Variants in KMT2E observed in about 807,000 individuals in gnomAD.
The protein encoded by KMT2E is histone reader KMT2E.
In KMT2E, 30 loss-of-function variants were observed where a neutral mutation model predicts 184.6. That is an observed-to-expected ratio of 0.16 (90% confidence interval 0.12 to 0.22). The LOEUF (loss-of-function observed/expected upper bound fraction) is 0.22. Ranked by LOEUF, KMT2E falls within the 10% of genes least tolerant of loss-of-function variation. KMT2E has a pLI of 1.00. For missense variants in KMT2E, 2,023 were observed against 2,237.4 expected, an observed-to-expected ratio of 0.90 and a Z score of 1.93; for synonymous variants, 815 against 776.5, an observed-to-expected ratio of 1.05 and a Z score of -0.82.
At chr7:105,108,036 TAA>T in intron 22 of KMT2E, 111 bp downstream of exon 22, 1 of 675,398 alleles carries the variant, frequency 1.5e-6, no homozygotes, top group Non-Finnish European at 2.2e-6. Context: ...ATTTAGTTAT[TAA>T]AGTTACATTT....
intron 15 of KMT2E, among the ~76,000 whole-genome samples, chr7:105,094,030 C>G (rs1798311167): frequency 6.6e-6 from 1 of 152,120 alleles, no homozygotes. Context: ...ATTGTTACTT[C>G]TAATTAGTTC....
chr7:105,077,029 G>A lies in KMT2E; in HGVS notation c.835G>A (p.Ala279Thr), dbSNP rs1404940807. The change falls in exon 10 of 27, where the codon GCA becomes ACA. Residue 279 changes from alanine to threonine, a missense_variant. Coordinates refer to ENST00000311117, the MANE Select transcript of KMT2E (RefSeq NM_182931.3). ...TTTTGGATGGGAGACAAAGATCAAA[G>A]CATGGATGGATCGATATGAAGAAGC... ...SNFGWETKIK[A>T]WMDRYEEANN... is the part of the protein sequence containing the mutation. 1.9e-6 allele frequency: 3 copies of A among 1,613,854 alleles called. No homozygotes were observed. Among genetic ancestry groups the A allele is most frequent in the South Asian group, 1.1e-5 (1 of 91,060 alleles).
At chr7:105,022,751 T>C (rs1795007231) in intron 1 of KMT2E, among the ~76,000 whole-genome samples, 11 of 152,138 alleles carry the variant, frequency 7.2e-5, no homozygotes, top group Admixed American at 7.2e-4. Flanking sequence ...AAAAAACTAA[T>C]TTTCTTCTTT....
At chr7:105,101,615 T>A in intron 16 of KMT2E, 26 bp downstream of exon 16, 1 of 1,487,716 alleles carries the variant, frequency 6.7e-7, no homozygotes, top group African/African-American at 1.4e-5. Context: ...GTCGTTTTAT[T>A]TTCTTAAACA....
chr7:105,034,854 TG>T (rs1481738406), intron 1 of KMT2E, among the ~76,000 whole-genome samples: 1 of 14,710 alleles, frequency 6.8e-5, no homozygotes, highest in African/African-American at 2.6e-4. Flanking sequence ...GGCTTTTTTT[TG>T]GGGGGTGGGG....
chr7:105,037,826 C>T (rs1042727649), intron 1 of KMT2E, among the ~76,000 whole-genome samples: 6 of 151,426 alleles, frequency 4.0e-5, no homozygotes, highest in African/African-American at 1.5e-4. Flanking sequence ...GTTGCCTTTG[C>T]TAAATCTGTT....
chr7:105,112,789 C>CCCT lies in KMT2E; in HGVS notation c.5035_5036insTCC (p.Pro1678_Pro1679insLeu). On this transcript the variant is annotated inframe_insertion, in exon 27 of 27. Transcript: ENST00000311117. ...TCTCAAACTGCTGGACACCACTTAC[C>CCCT]CCCACCCCCACCCCCTCCTGGTCCT... is the stretch of plus-strand genomic sequence containing the variant. The CCCT allele has an allele frequency of 1.3e-6, 2 of 1,585,914 alleles. No individual in the cohort carries two copies. Among genetic ancestry groups the CCCT allele is most frequent in the Admixed American group, 1.7e-5 (1 of 58,240 alleles).
intron 3 of KMT2E, among the ~76,000 whole-genome samples, chr7:105,042,125 G>T (rs976335540): frequency 1.3e-5 from 2 of 152,138 alleles, no homozygotes. Context: ...TGAGTAGCTG[G>T]GATTACAGGT....
rs762772581 is a variant in KMT2E at position 105,107,940 on chromosome 7, A to G, written c.3468+15A>G. 1.5e-5 allele frequency: 24 copies of G among 1,549,200 alleles called. No individual in the cohort carries two copies. Among genetic ancestry groups the G allele is most frequent in the Non-Finnish European group, 1.9e-5 (22 of 1,148,378 alleles). On this transcript the variant is annotated intron_variant, in intron 22 of 26. Transcript: ENST00000311117. The stretch of plus-strand genomic sequence containing the variant: ...AAAAGAAAAAGGTTACAAATTTAAC[A>G]ATTTATAGTCCTTTTAATAGTTTTT...
chr7:105,102,989 G>GC, intron 17 of KMT2E: 1 of 152,288 alleles, frequency 6.6e-6, no homozygotes, highest in Middle Eastern at 3.4e-3. Context: ...TAATTTACTT[G>GC]CCAAAGTCGC....
chr7:105,029,031 G>A (rs530417415), intron 1 of KMT2E, among the ~76,000 whole-genome samples: 1 of 152,192 alleles, frequency 6.6e-6, no homozygotes, highest in South Asian at 2.1e-4. Context: ...TTGGGAGGAC[G>A]AGGTAGGTGG....
intron 3 of KMT2E, among the ~76,000 whole-genome samples, chr7:105,047,880 G>GT (rs750734989): frequency 2.6e-5 from 4 of 152,218 alleles, no homozygotes; most frequent in Non-Finnish European, 4.4e-5. Context: ...TGAAATGGAA[G>GT]TGAAGGGCTT....
At chr7:105,068,068 C>T (rs1290478730) in intron 6 of KMT2E, among the ~76,000 whole-genome samples, 3 of 152,176 alleles carry the variant, frequency 2.0e-5, no homozygotes, top group Non-Finnish European at 4.4e-5. Flanking sequence ...ATATTCATCT[C>T]TCAAGTTCCT....
At chr7:105,076,500 C>T (rs759536771) in intron 9 of KMT2E, among the ~76,000 whole-genome samples, 2 of 152,156 alleles carry the variant, frequency 1.3e-5, no homozygotes, top group Non-Finnish European at 2.9e-5. Context: ...CATAGAACAA[C>T]CATATCAATA....
In KMT2E at chr7:105,111,815, C is replaced by A. The variant is rs1336947584; in HGVS notation, c.4069-10C>A. 1 of 1,593,208 alleles carries A rather than the reference C, an allele frequency of 6.3e-7. No homozygotes were observed. Among genetic ancestry groups the A allele is most frequent in the South Asian group, 1.1e-5 (1 of 87,442 alleles). ...TCCTTGAATGTATATAATTTGTTTT[C>A]TCTTCATAGCCTGGTTCACCTGGAT... On this transcript the variant is annotated splice_polypyrimidine_tract_variant and intron_variant, in intron 26 of 26. Coordinates refer to ENST00000311117, the MANE Select transcript of KMT2E (RefSeq NM_182931.3).
Position 105,112,201 on chromosome 7 carries a change from A to T in KMT2E, c.4445A>T (p.His1482Leu). The T allele has an allele frequency of 1.9e-6, 3 of 1,614,158 alleles. No individual in the cohort carries two copies. In the African/African-American group the frequency reaches 4.0e-5, roughly 22 times the overall value. The change falls in exon 27 of 27, where the codon CAT becomes CTT. Residue 1482 changes from histidine to leucine, a missense_variant. His to Leu is a moderately conservative substitution (Grantham distance 99). This residue lies in a region of KMT2E where 1,108 missense variants were observed against 1,050.9 expected (regional missense o/e 1.05). Coordinates refer to ENST00000311117, the MANE Select transcript of KMT2E (RefSeq NM_182931.3). ...QQLGSPYRPH[H>L]SQSPQVGTPQ... is the part of the protein sequence containing the mutation. Reference sequence around the variant, plus strand: ...TTAGGATCTCCCTACAGGCCTCATCATTCACAGTCACCTCAAGTTGGAACA... The same window carrying T: ...TTAGGATCTCCCTACAGGCCTCATCTTTCACAGTCACCTCAAGTTGGAACA...
In KMT2E at chr7:105,112,622, T is replaced by C; in HGVS notation, c.4866T>C (p.Ala1622=). The change falls in exon 27 of 27, where the codon GCT becomes GCC. Residue 1622 remains alanine, a synonymous_variant. Transcript: ENST00000311117. ...SQNPTIHHQT[A]AAVVPPPPPP... Reference sequence around the variant, plus strand: ...ACCCTACCATTCACCATCAAACTGCTGCTGCCGTAGTCCCCCCTCCTCCTC... The same window carrying C: ...ACCCTACCATTCACCATCAAACTGCCGCTGCCGTAGTCCCCCCTCCTCCTC... The C allele has an allele frequency of 6.2e-7, 1 of 1,613,950 alleles. No individual in the cohort carries two copies. The highest frequency in any genetic ancestry group is 8.5e-7 in the Non-Finnish European group (1 of 1,179,978).
chr7:105,041,011 C>A lies in KMT2E; in HGVS notation c.59C>A (p.Ala20Asp). The A allele has an allele frequency of 6.3e-7, 1 of 1,589,688 alleles. No individual in the cohort carries two copies. Among genetic ancestry groups the A allele is most frequent in the Non-Finnish European group, 8.6e-7 (1 of 1,167,514 alleles). Reference sequence around the variant, plus strand: ...GCAGAGACGTCATACTTGGAAATGGCTGCAGGTTCAGAGTAAGTATTTAAA... The same window carrying A: ...GCAGAGACGTCATACTTGGAAATGGATGCAGGTTCAGAGTAAGTATTTAAA... Reference protein sequence around the residue: ...DTAETSYLEMAAGSEPESVEA... With the variant: ...DTAETSYLEMDAGSEPESVEA... Residue 20 changes from alanine (A) to aspartate (D), a missense_variant, in exon 3 of 27, where the codon GCT (alanine) becomes GAT (aspartate). This residue lies in a region of KMT2E where 63 missense variants were observed against 68.9 expected (regional missense o/e 0.91). Coordinates refer to ENST00000311117, the MANE Select transcript of KMT2E (RefSeq NM_182931.3).
intron 13 of KMT2E, among the ~76,000 whole-genome samples, chr7:105,087,248 C>G (rs1485504031): frequency 2.1e-5 from 3 of 142,112 alleles, no homozygotes; most frequent in Non-Finnish European, 4.5e-5. Flanking sequence ...TAAAGAGATA[C>G]CATTCAACAT....
Sources: gnomAD v4.1 joint callset for allele counts (sites outside exome capture counted in the v4.1 genomes callset) on GRCh38, gnomAD v4.1.1 for gene constraint, gnomAD v4.1.1 regional missense constraint, MANE v1.5 for transcripts, NCBI Gene and HGNC (gene_info 2026-07-23, HGNC 2026-07-21) for gene names.